Variants in ABHD17C observed in about 807,000 individuals in gnomAD.
ABHD17C encodes the protein alpha/beta hydrolase domain-containing protein 17C.
A neutral mutation model predicts 27.9 loss-of-function variants in ABHD17C; 11 were observed. That is an observed-to-expected ratio of 0.39 (90% CI 0.25 to 0.65). The LOEUF (loss-of-function observed/expected upper bound fraction) is 0.65. Among genes scored for constraint, ABHD17C ranks in the 30% least tolerant of loss-of-function variants. The pLI, the probability that ABHD17C is intolerant of heterozygous loss-of-function variation, is 0.45. For synonymous variants in ABHD17C, 233 were observed against 209.1 expected (o/e 1.11, Z -0.98); for missense variants, 280 against 470.2 (o/e 0.60, Z 3.74).
chr15:80,735,307 T>C (rs1246108588), intron 1 of ABHD17C, among the ~76,000 whole-genome samples: 1 of 152,174 alleles, frequency 6.6e-6, no homozygotes, highest in Non-Finnish European at 1.5e-5. Flanking sequence ...AATCCAACTC[T>C]ACCTATTATC....
chr15:80,720,598 A>G (rs749250752), intron 1 of ABHD17C, among the ~76,000 whole-genome samples: 1 of 152,076 alleles, frequency 6.6e-6, no homozygotes, highest in African/African-American at 2.4e-5. Context: ...AAGTTTTACA[A>G]AAATATTCCA....
At chr15:80,751,287 G>C (rs62009000) in intron 2 of ABHD17C, among the ~76,000 whole-genome samples, 24,049 of 151,952 alleles carry the variant, frequency 0.16, 2,201 homozygotes, top group African/African-American at 0.24. Context: ...TTGAACCCAG[G>C]AGGCGGAGGT....
At chr15:80,748,556 C>T (rs1330621592) in intron 1 of ABHD17C, among the ~76,000 whole-genome samples, 2 of 152,062 alleles carry the variant, frequency 1.3e-5, no homozygotes, top group African/African-American at 4.8e-5. Flanking sequence ...ATTAGACATT[C>T]GTCTTCATTT....
intron 1 of ABHD17C, among the ~76,000 whole-genome samples, chr15:80,724,348 A>G (rs1377054895): frequency 6.6e-6 from 1 of 151,974 alleles, no homozygotes; most frequent in Non-Finnish European, 1.5e-5. Context: ...GTCCCCTCCA[A>G]AAAAAACCCC....
chr15:80,727,833 G>T (rs1895002174), intron 1 of ABHD17C, among the ~76,000 whole-genome samples: 1 of 152,130 alleles, frequency 6.6e-6, no homozygotes, highest in Non-Finnish European at 1.5e-5. Flanking sequence ...TAGGGGAAGG[G>T]CTGGGGTGAC....
At chr15:80,751,629 T>C (rs1276001477) in intron 2 of ABHD17C, among the ~76,000 whole-genome samples, 1 of 152,180 alleles carries the variant, frequency 6.6e-6, no homozygotes, top group Non-Finnish European at 1.5e-5. Context: ...ACATCTGTAG[T>C]CCCAGCTCCT....
intron 1 of ABHD17C, among the ~76,000 whole-genome samples, chr15:80,746,612 A>G (rs1895288759): frequency 6.6e-6 from 1 of 152,174 alleles, no homozygotes; most frequent in African/African-American, 2.4e-5. Context: ...GGAACTGAGA[A>G]TCCTCAAGCA....
intron 2 of ABHD17C, among the ~76,000 whole-genome samples, chr15:80,751,076 G>A (rs369742156): frequency 5.8e-4 from 88 of 152,084 alleles, no homozygotes; most frequent in African/African-American, 1.8e-3. Flanking sequence ...TCAGCTGGGC[G>A]TGATTGCTCA....
intron 1 of ABHD17C, among the ~76,000 whole-genome samples, chr15:80,727,196 A>G (rs977001653): frequency 5.6e-4 from 86 of 152,332 alleles, no homozygotes; most frequent in Non-Finnish European, 1.2e-4. Context: ...TGAACTTTCA[A>G]TCTTTCCTTC....
In ABHD17C at chr15:80,754,113, G is replaced by C. The variant is rs761229175; in HGVS notation, c.771-38G>C. On this transcript the variant is annotated intron_variant, in intron 2 of 2. Coordinates refer to ENST00000258884, the MANE Select transcript of ABHD17C (RefSeq NM_021214.2). ...TGTATTATCTGTGAGCATAACTAAT[G>C]GAGTCCTCTTTCTGCCTCCCCCCTT... 1.9e-4 allele frequency: 288 copies of C among 1,477,580 alleles called. 1 individual carries two copies. Among genetic ancestry groups the C allele is most frequent in the Non-Finnish European group, 2.5e-4 (264 of 1,056,628 alleles). 91.5% of individuals were successfully genotyped at this position (1,477,580 alleles called of 1,614,324 possible).
intron 1 of ABHD17C, among the ~76,000 whole-genome samples, chr15:80,746,562 C>T (rs1355748249): frequency 2.6e-5 from 4 of 152,112 alleles, no homozygotes; most frequent in Admixed American, 6.5e-5. Context: ...TTTGTAGACA[C>T]TGGTACTGGG....
intron 1 of ABHD17C, among the ~76,000 whole-genome samples, chr15:80,721,448 T>C (rs976693956): frequency 6.6e-6 from 1 of 152,174 alleles, no homozygotes; most frequent in African/African-American, 2.4e-5. Flanking sequence ...AGATTTGGGC[T>C]GAATCTTGGC....
chr15:80,741,874 A>G (rs1041063628), intron 1 of ABHD17C, among the ~76,000 whole-genome samples: 5 of 152,202 alleles, frequency 3.3e-5, no homozygotes, highest in African/African-American at 1.2e-4. Flanking sequence ...CAAGTCTACA[A>G]TACTATGACA....
intron 1 of ABHD17C, among the ~76,000 whole-genome samples, chr15:80,704,368 C>G (rs1019554714): frequency 1.3e-5 from 2 of 152,136 alleles, no homozygotes; most frequent in Non-Finnish European, 2.9e-5. Context: ...TGGCCCACCC[C>G]ACCTAGCCTT....
chr15:80,750,957 A>G (rs1365112361), intron 2 of ABHD17C, among the ~76,000 whole-genome samples: 1 of 152,050 alleles, frequency 6.6e-6, no homozygotes, highest in Non-Finnish European at 1.5e-5. Context: ...ATGATTAACA[A>G]CAAATTAGCA....
intron 2 of ABHD17C, among the ~76,000 whole-genome samples, chr15:80,750,647 A>G (rs760148655): frequency 5.9e-5 from 9 of 152,184 alleles, no homozygotes; most frequent in Non-Finnish European, 1.0e-4. Context: ...CCTTGGGTGA[A>G]CTTCAGTTTT....
chr15:80,751,179 G>A (rs567621184), intron 2 of ABHD17C, among the ~76,000 whole-genome samples: 58 of 147,876 alleles, frequency 3.9e-4, no homozygotes, highest in Middle Eastern at 7.0e-3. Flanking sequence ...GTGAAACCCC[G>A]TCTCTACTAA....
chr15:80,732,410 A>AT (rs965781139), intron 1 of ABHD17C, among the ~76,000 whole-genome samples: 2 of 152,174 alleles, frequency 1.3e-5, no homozygotes, highest in African/African-American at 4.8e-5. Flanking sequence ...GGCAGTTTCC[A>AT]TTCTGAGTTA....
chr15:80,698,467 CAGG>C (rs1894528098), intron 1 of ABHD17C, among the ~76,000 whole-genome samples: 1 of 152,334 alleles, frequency 6.6e-6, no homozygotes, highest in South Asian at 2.1e-4. Context: ...GCTCATCTGA[CAGG>C]AGGATAGACT....
Sources: allele counts gnomAD v4.1 joint callset (sites outside exome capture counted in the v4.1 genomes callset), GRCh38; gene constraint gnomAD v4.1.1; transcripts MANE v1.5; gene names NCBI Gene and HGNC (gene_info 2026-07-23, HGNC 2026-07-21).